Variants in NAV3 observed in about 807,000 individuals in gnomAD.
NAV3 encodes pore membrane and/or filament interacting like protein 1.
Under a neutral mutation model 244.7 loss-of-function variants are expected in NAV3, and 87 were observed. The observed-to-expected ratio is 0.36, with a 90% CI of 0.30 to 0.42. NAV3 has a LOEUF of 0.42. Among genes scored for constraint, NAV3 ranks in the 20% least tolerant of loss-of-function variants. The pLI, the probability that NAV3 is intolerant of heterozygous loss-of-function variation, is 1.00. For synonymous variants in NAV3, 1,126 were observed against 1,042.2 expected (o/e 1.08, Z -1.55); for missense variants, 2,663 against 2,893.3 (o/e 0.92, Z 1.83).
chr12:77,939,196 C>A (rs1296851388), intron 1 of NAV3, among the ~76,000 whole-genome samples: 1 of 152,028 alleles, frequency 6.6e-6, no homozygotes, highest in Admixed American at 6.6e-5. Context: ...ATGCAACTTA[C>A]CTTTTCAGCC....
chr12:78,053,852 C>T (rs564568076), intron 11 of NAV3, among the ~76,000 whole-genome samples: 66 of 152,078 alleles, frequency 4.3e-4, no homozygotes, highest in Non-Finnish European at 6.0e-4. Flanking sequence ...GAAAGTGCTA[C>T]GAGTTTAGAT....
chr12:77,901,735 G>T (rs551953695), intron 1 of NAV3, among the ~76,000 whole-genome samples: 3 of 151,962 alleles, frequency 2.0e-5, no homozygotes, highest in Non-Finnish European at 4.4e-5. Context: ...AGAAAGGTAA[G>T]GGTCCAGTTT....
chr12:78,081,891 A>G (rs953880777), intron 12 of NAV3, among the ~76,000 whole-genome samples: 3 of 152,214 alleles, frequency 2.0e-5, no homozygotes, highest in African/African-American at 7.2e-5. Flanking sequence ...AAGACTTTTA[A>G]GTAGATCTTT....
chr12:77,688,473 C>T (rs547829308), intron 2 of NAV3, among the ~76,000 whole-genome samples: 1 of 151,902 alleles, frequency 6.6e-6, no homozygotes, highest in Non-Finnish European at 1.5e-5. Flanking sequence ...GTTTCATTTC[C>T]AAGGCCTAGT....
intron 2 of NAV3, among the ~76,000 whole-genome samples, chr12:77,743,939 ATTAC>A (rs1340808544): frequency 7.9e-5 from 12 of 151,822 alleles, no homozygotes; most frequent in African/African-American, 4.8e-5. Flanking sequence ...AAAGGATGGT[ATTAC>A]TTAATGACAC....
At chr12:77,603,935 A>G (rs182457539) in intron 2 of NAV3, among the ~76,000 whole-genome samples, 10 of 152,260 alleles carry the variant, frequency 6.6e-5, no homozygotes, top group Admixed American at 5.2e-4. Flanking sequence ...CAAAGGGTAT[A>G]AGTAAAGAGT....
intron 5 of NAV3, among the ~76,000 whole-genome samples, chr12:77,973,298 AGAGGTAAGAGATTACATAGATAGAT>A (rs1893158002): frequency 6.6e-6 from 1 of 152,230 alleles, no homozygotes; most frequent in South Asian, 2.1e-4. Context: ...ATGTGAAAGT[AGAGGTAAGAGATTACATAGATAGAT>A]GATAGAGGTG....
intron 2 of NAV3, among the ~76,000 whole-genome samples, chr12:77,645,929 C>T (rs1872590243): frequency 6.6e-6 from 1 of 152,134 alleles, no homozygotes; most frequent in Admixed American, 6.5e-5. Flanking sequence ...GCTTTGTGGG[C>T]ATGTTGGAGT....
chr12:77,647,498 A>AT lies in NAV3; in HGVS notation c.72+75241dup, dbSNP rs200343457. On this transcript the variant is annotated intron_variant, in intron 2 of 8. Transcript: ENST00000550042. ...GTTTTTTTTTGCCCAAACTAGATGA[A>AT]TTTTTTTTTAATTTCAGAAATTTGA... Among the ~76,000 whole-genome samples the AT allele has an allele frequency of 2.5e-3, 372 of 151,000 alleles. 4 individuals carry two copies. Among genetic ancestry groups the AT allele is most frequent in the Admixed American group, 0.012 (183 of 15,138 alleles).
chr12:78,096,778 G>A (rs138758054), intron 12 of NAV3, among the ~76,000 whole-genome samples: 180 of 152,220 alleles, frequency 1.2e-3, no homozygotes, highest in Non-Finnish European at 1.6e-3. Context: ...TGGGGATACC[G>A]CCAAACCATA....
intron 2 of NAV3, among the ~76,000 whole-genome samples, chr12:77,654,894 G>C (rs929946298): frequency 2.0e-5 from 3 of 147,836 alleles, no homozygotes; most frequent in East Asian, 1.9e-4. Flanking sequence ...CTGCAGCTGA[G>C]GGTCCTGTCT....
rs1566166296 is a variant in NAV3 at position 78,121,936 on chromosome 12, T to G, written c.3750-4T>G. 18 of 1,612,520 alleles carry G rather than the reference T, an allele frequency of 1.1e-5. No individual in the cohort carries two copies. Among genetic ancestry groups the G allele is most frequent in the Non-Finnish European group, 1.4e-5 (17 of 1,178,768 alleles). ...ACTGAAGTTGTTATTTGTTTTTCTT[T>G]TAGGTTGTTTGGTGCCAAGGCAGGT... On this transcript the variant is annotated splice_region_variant and splice_polypyrimidine_tract_variant and intron_variant, in intron 15 of 39. Transcript: ENST00000397909.
chr12:78,199,151 AG>A (rs1959343287), intron 36 of NAV3, 183 bp from the exon 37 acceptor site: 1 of 673,276 alleles, frequency 1.5e-6, no homozygotes, highest in Non-Finnish European at 2.7e-6. Context: ...GCTACATTAT[AG>A]CTCTCATCCT....
At chr12:77,902,692 G>A (rs1885450410) in intron 1 of NAV3, among the ~76,000 whole-genome samples, 1 of 152,234 alleles carries the variant, frequency 6.6e-6, no homozygotes, top group East Asian at 1.9e-4. Context: ...AGGAAAAGAG[G>A]AAGTCAAATT....
At chr12:77,577,904 G>T (rs1869167116) in intron 2 of NAV3, among the ~76,000 whole-genome samples, 1 of 151,964 alleles carries the variant, frequency 6.6e-6, no homozygotes, top group South Asian at 2.1e-4. Context: ...TGGATAGCAG[G>T]CTGCCTGCTA....
At chr12:77,787,165 G>C (rs1026321694) in intron 2 of NAV3, among the ~76,000 whole-genome samples, 1 of 152,012 alleles carries the variant, frequency 6.6e-6, no homozygotes, top group African/African-American at 2.4e-5. Flanking sequence ...TAGATGTCTA[G>C]AGAGTCATTT....
intron 6 of NAV3, among the ~76,000 whole-genome samples, chr12:77,995,097 A>G (rs903794291): frequency 1.6e-4 from 24 of 152,180 alleles, no homozygotes; most frequent in African/African-American, 5.3e-4. Context: ...ATGTAGTGCT[A>G]TAACTGGGCT....
chr12:78,009,311 G>C (rs1032307187), intron 8 of NAV3, among the ~76,000 whole-genome samples: 3 of 151,886 alleles, frequency 2.0e-5, no homozygotes, highest in Middle Eastern at 3.2e-3. Context: ...AGGCAGTGTA[G>C]CCAAGTAGCT....
chr12:78,008,720 A>G (rs1317509775), intron 8 of NAV3, among the ~76,000 whole-genome samples: 1 of 152,170 alleles, frequency 6.6e-6, no homozygotes, highest in East Asian at 1.9e-4. Context: ...CAGCAAAACA[A>G]AATTATTATA....
Sources: gnomAD v4.1 joint callset for allele counts (sites outside exome capture counted in the v4.1 genomes callset) on GRCh38, gnomAD v4.1.1 for gene constraint, MANE v1.5 for transcripts, NCBI Gene and HGNC (gene_info 2026-07-23, HGNC 2026-07-21) for gene names.